The following TAOK3 variants were observed in gnomAD, a reference collection of about 807,000 sequenced individuals.
The protein encoded by TAOK3 is TAO kinase 3, also known as serine/threonine-protein kinase TAO3.
In TAOK3, 40 loss-of-function variants were observed where a neutral mutation model predicts 120.4. The observed-to-expected ratio is 0.33, with a 90% CI of 0.26 to 0.43. The LOEUF (loss-of-function observed/expected upper bound fraction) is 0.43, where lower values mean the gene tolerates loss of function less well. TAOK3 is among the 20% of genes least tolerant of loss of function. TAOK3 has a pLI of 1.00. For synonymous variants in TAOK3, 355 were observed against 387.5 expected (o/e 0.92, Z 0.99); for missense variants, 821 against 1,112.1 (o/e 0.74, Z 3.72).
At chr12:118,336,290 C>A (rs1248002232) in intron 1 of TAOK3, among the ~76,000 whole-genome samples, 1 of 152,118 alleles carries the variant, frequency 6.6e-6, no homozygotes, top group Non-Finnish European at 1.5e-5. Flanking sequence ...AATAGACATA[C>A]ACGGATATGT....
chr12:118,368,313 C>T (rs2045797903), intron 1 of TAOK3, among the ~76,000 whole-genome samples: 1 of 152,048 alleles, frequency 6.6e-6, no homozygotes, highest in Admixed American at 6.5e-5. Flanking sequence ...TCTCCTGCCT[C>T]AGCCTCCCGG....
rs557631750 is a variant in TAOK3 at position 118,372,301 on chromosome 12, C to T, written c.-194+347G>A. Reference sequence around the variant, plus strand: ...TCTGGGACCTGGTCCTTCAGGGGACCCCCTCCCCTCATCCCCCTATCCTAG... The same window carrying T: ...TCTGGGACCTGGTCCTTCAGGGGACTCCCTCCCCTCATCCCCCTATCCTAG... On this transcript the variant is annotated intron_variant, in intron 1 of 20. Coordinates refer to ENST00000392533, the MANE Select transcript of TAOK3 (RefSeq NM_016281.4). This position sits in a 1 kb window ranked among gnomAD's most constrained non-coding sequence, Gnocchi z 4.6. 6.7e-6 allele frequency among the ~76,000 whole-genome samples: 1 copy of T among 150,302 alleles called. No individual in the cohort carries two copies. The highest frequency in any genetic ancestry group is 2.1e-4 in the South Asian group (1 of 4,700).
intron 2 of TAOK3, among the ~76,000 whole-genome samples, chr12:118,264,634 T>C (rs987922018): frequency 1.3e-5 from 2 of 152,132 alleles, no homozygotes; most frequent in African/African-American, 4.8e-5. Flanking sequence ...GGAGTGATAG[T>C]GGATATGTTT....
intron 2 of TAOK3, among the ~76,000 whole-genome samples, chr12:118,256,619 A>G (rs907357800): frequency 6.6e-6 from 1 of 152,246 alleles, no homozygotes; most frequent in East Asian, 1.9e-4. Flanking sequence ...TGAACCTTGT[A>G]AAAATTATGC....
intron 14 of TAOK3, among the ~76,000 whole-genome samples, chr12:118,183,875 C>T (rs780705680): frequency 6.6e-6 from 1 of 152,222 alleles, no homozygotes; most frequent in South Asian, 2.1e-4. Flanking sequence ...TAAAACTTGG[C>T]ATAAGCATTG....
intron 3 of TAOK3, among the ~76,000 whole-genome samples, chr12:118,253,754 AC>A (rs1280246472): frequency 4.8e-3 from 83 of 17,456 alleles, no homozygotes; most frequent in African/African-American, 0.014. Flanking sequence ...AAACAAACAA[AC>A]AAAAAAAAAA....
intron 12 of TAOK3, chr12:118,200,757 C>T (rs981188071): frequency 1.3e-5 from 2 of 152,298 alleles, no homozygotes; most frequent in African/African-American, 2.4e-5. Context: ...CTCCAATGCT[C>T]AGAGTCACCT....
At chr12:118,332,045 G>A (rs1183402051) in intron 1 of TAOK3, among the ~76,000 whole-genome samples, 2 of 152,116 alleles carry the variant, frequency 1.3e-5, no homozygotes, top group African/African-American at 2.4e-5. Flanking sequence ...GGTTGGTCTC[G>A]ACCGCCTGAC....
At chr12:118,302,079 G>A (rs2042902990) in intron 1 of TAOK3, among the ~76,000 whole-genome samples, 1 of 152,014 alleles carries the variant, frequency 6.6e-6, no homozygotes, top group African/African-American at 2.4e-5. Context: ...GATCTGTTTT[G>A]GTTTTTTTGT....
chr12:118,260,010 G>C (rs577910729), intron 2 of TAOK3, among the ~76,000 whole-genome samples: 1 of 152,262 alleles, frequency 6.6e-6, no homozygotes, highest in South Asian at 2.1e-4. Flanking sequence ...ATTCCCCCTA[G>C]CCAGGATAAG....
At chr12:118,198,841 T>A in intron 13 of TAOK3, 1 of 578,262 alleles carries the variant, frequency 1.7e-6, no homozygotes, top group Non-Finnish European at 3.1e-6. Flanking sequence ...GACATCAGAG[T>A]AATGAGAGAG....
intron 1 of TAOK3, among the ~76,000 whole-genome samples, chr12:118,319,800 A>C (rs2043626594): frequency 6.6e-6 from 1 of 152,200 alleles, no homozygotes; most frequent in African/African-American, 2.4e-5. Flanking sequence ...AGCTCCTCAA[A>C]AAGTTATACA....
chr12:118,167,119 T>C (rs1436081708), intron 17 of TAOK3, among the ~76,000 whole-genome samples: 1 of 152,144 alleles, frequency 6.6e-6, no homozygotes, highest in Non-Finnish European at 1.5e-5. Flanking sequence ...TTTCAGTTCT[T>C]AGTTTCAACA....
intron 8 of TAOK3, among the ~76,000 whole-genome samples, chr12:118,234,057 T>G (rs1020225532): frequency 6.6e-6 from 1 of 152,042 alleles, no homozygotes; most frequent in Non-Finnish European, 1.5e-5. Flanking sequence ...ATCTGTAAAA[T>G]GGAGATAATT....
chr12:118,168,832 A>G (rs1484451588), intron 17 of TAOK3, among the ~76,000 whole-genome samples: 1 of 152,244 alleles, frequency 6.6e-6, no homozygotes, highest in Non-Finnish European at 1.5e-5. Flanking sequence ...TTATTAGAAT[A>G]ACAATAAATG....
intron 9 of TAOK3, among the ~76,000 whole-genome samples, chr12:118,233,259 G>A (rs576742630): frequency 1.7e-4 from 19 of 112,486 alleles, no homozygotes; most frequent in Admixed American, 1.4e-3. Flanking sequence ...TTGTGGGGTG[G>A]GGGGAGGGGG....
intron 1 of TAOK3, among the ~76,000 whole-genome samples, chr12:118,272,241 C>G (rs982519820): frequency 6.9e-6 from 1 of 143,976 alleles, no homozygotes; most frequent in Non-Finnish European, 1.5e-5. Context: ...TGCAGTGAGC[C>G]GAGTTACACC....
At chr12:118,173,834 C>CTTTAGTTGCTAACACCTA (rs983563283) in intron 16 of TAOK3, among the ~76,000 whole-genome samples, 4 of 152,216 alleles carry the variant, frequency 2.6e-5, no homozygotes, top group Non-Finnish European at 4.4e-5. Context: ...CTAAAATCTC[C>CTTTAGTTGCTAACACCTA]TTTAGTTGCT....
intron 1 of TAOK3, among the ~76,000 whole-genome samples, chr12:118,294,130 T>C (rs1358287259): frequency 6.6e-6 from 1 of 152,204 alleles, no homozygotes; most frequent in Non-Finnish European, 1.5e-5. Context: ...TGTGTATGTG[T>C]ATCAATTTTA....
Sources: allele counts gnomAD v4.1 joint callset (sites outside exome capture counted in the v4.1 genomes callset), GRCh38; gene constraint gnomAD v4.1.1; non-coding constraint Gnocchi (gnomAD v3.1); transcripts MANE v1.5; gene names NCBI Gene and HGNC (gene_info 2026-07-23, HGNC 2026-07-21).